The following LRMDA variants were observed in gnomAD, a reference collection of about 807,000 sequenced individuals.
LRMDA encodes leucine rich melanocyte differentiation associated.
A neutral mutation model predicts 29.8 loss-of-function variants in LRMDA; 18 were observed. The ratio of observed to expected loss-of-function variants is 0.60; its 90% CI spans 0.42 to 0.90. The LOEUF (loss-of-function observed/expected upper bound fraction) is 0.90, where lower values mean the gene tolerates loss of function less well. Among genes scored for constraint, LRMDA ranks in the 40% least tolerant of loss-of-function variants. The pLI, the probability that LRMDA is intolerant of heterozygous loss-of-function variation, is 0.00. For missense variants in LRMDA, 273 were observed against 273.9 expected (o/e 1.00, Z 0.02); for synonymous variants, 125 against 109.4 (o/e 1.14, Z -0.89).
intron 2 of LRMDA, among the ~76,000 whole-genome samples, chr10:75,664,038 G>A (rs550101723): frequency 2.1e-4 from 32 of 152,110 alleles, no homozygotes; most frequent in Non-Finnish European, 4.0e-4. Flanking sequence ...TGTGGATATC[G>A]AATAGTCCGT....
At chr10:75,658,515 G>C (rs1335294947) in intron 2 of LRMDA, among the ~76,000 whole-genome samples, 2 of 152,060 alleles carry the variant, frequency 1.3e-5, no homozygotes, top group Non-Finnish European at 2.9e-5. Context: ...CCAAGTTCTG[G>C]AGCGGGGTGG....
At chr10:75,727,918 C>T (rs76560592) in intron 2 of LRMDA, among the ~76,000 whole-genome samples, 25 of 152,262 alleles carry the variant, frequency 1.6e-4, no homozygotes, top group African/African-American at 6.0e-4. Flanking sequence ...AATCATCTGA[C>T]TCAAATTTGC....
rs1351349492 is a variant in LRMDA at position 76,142,701 on chromosome 10, AT to A, written c.516+83920del. 1.1e-4 allele frequency among the ~76,000 whole-genome samples: 16 copies of A among 148,614 alleles called. 1 individual carries two copies. The highest frequency in any genetic ancestry group is 3.9e-4 in the East Asian group (2 of 5,162). ...TATTATCTTTATTATTATTATTATT[AT>A]TATTATACTTTAAGTTTTAGGGTAC... is the stretch of plus-strand genomic sequence containing the variant. On this transcript the variant is annotated intron_variant, in intron 5 of 6. Transcript: ENST00000611255.
In LRMDA at chr10:75,674,094, A is replaced by G. The variant is rs191755864; in HGVS notation, c.131+235600A>G. Among the ~76,000 whole-genome samples the G allele has an allele frequency of 1.4e-3, 211 of 152,342 alleles. 4 individuals carry two copies. Among genetic ancestry groups the G allele is most frequent in the Admixed American group, 0.011 (167 of 15,308 alleles). ...TTTGAGAAAATATATGGAATGTTTTAATGCTGGGACTAGTTTTTCCTTGGA... is the reference window on the plus strand; with the variant it reads ...TTTGAGAAAATATATGGAATGTTTTGATGCTGGGACTAGTTTTTCCTTGGA... On this transcript the variant is annotated intron_variant, in intron 2 of 6. Transcript: ENST00000611255.
chr10:76,153,211 G>T (rs756876371), intron 5 of LRMDA, among the ~76,000 whole-genome samples: 2 of 152,064 alleles, frequency 1.3e-5, no homozygotes, highest in Non-Finnish European at 2.9e-5. Flanking sequence ...ATATATTCTG[G>T]ATACTAAACC....
At chr10:76,212,192 A>G (rs904843813) in intron 5 of LRMDA, among the ~76,000 whole-genome samples, 2 of 151,660 alleles carry the variant, frequency 1.3e-5, no homozygotes, top group Non-Finnish European at 2.9e-5. Context: ...TAGGATACAG[A>G]TTTTGCACTA....
chr10:75,689,915 A>G (rs1453351794), intron 2 of LRMDA, among the ~76,000 whole-genome samples: 1 of 152,004 alleles, frequency 6.6e-6, no homozygotes, highest in Admixed American at 6.6e-5. Flanking sequence ...AGAGCCACAG[A>G]ATCTTCACAT....
intron 2 of LRMDA, among the ~76,000 whole-genome samples, chr10:75,949,797 G>A (rs540622472): frequency 6.6e-6 from 1 of 152,228 alleles, no homozygotes; most frequent in African/African-American, 2.4e-5. Context: ...CTATCTGCAG[G>A]TACTGTGTAC....
At chr10:76,509,968 T>A (rs1231461809) in intron 6 of LRMDA, among the ~76,000 whole-genome samples, 1 of 152,204 alleles carries the variant, frequency 6.6e-6, no homozygotes, top group Non-Finnish European at 1.5e-5. Context: ...ACTAGTATGC[T>A]CCAACCAGGC....
At chr10:75,710,412 G>A (rs1842422085) in intron 2 of LRMDA, among the ~76,000 whole-genome samples, 1 of 152,158 alleles carries the variant, frequency 6.6e-6, no homozygotes, top group Admixed American at 6.5e-5. Flanking sequence ...CCAGTACTAG[G>A]CGTGATGCTT....
intron 6 of LRMDA, among the ~76,000 whole-genome samples, chr10:76,417,945 T>A (rs1424540701): frequency 6.6e-6 from 1 of 152,204 alleles, no homozygotes; most frequent in African/African-American, 2.4e-5. Flanking sequence ...TTTTCATAAA[T>A]CAATTGTCTT....
At chr10:76,074,839 G>A (rs1036118145) in intron 5 of LRMDA, among the ~76,000 whole-genome samples, 1 of 152,128 alleles carries the variant, frequency 6.6e-6, no homozygotes, top group African/African-American at 2.4e-5. Context: ...ACTAACTGCT[G>A]TAACAAACAG....
At chr10:75,799,888 T>G (rs1564570998) in intron 2 of LRMDA, among the ~76,000 whole-genome samples, 1 of 152,182 alleles carries the variant, frequency 6.6e-6, no homozygotes. Flanking sequence ...AATACTGTTT[T>G]TGCCTTATTA....
chr10:76,106,500 C>T (rs968272628), intron 5 of LRMDA, among the ~76,000 whole-genome samples: 19 of 152,188 alleles, frequency 1.2e-4, no homozygotes, highest in African/African-American at 4.3e-4. Flanking sequence ...CCATTTTTAT[C>T]CTGAGTCCCT....
intron 2 of LRMDA, among the ~76,000 whole-genome samples, chr10:75,942,089 T>G (rs1394008727): frequency 2.0e-5 from 3 of 152,166 alleles, no homozygotes; most frequent in African/African-American, 7.2e-5. Context: ...GGATGGAGGC[T>G]CTCTGGTCTT....
At chr10:75,860,738 T>C (rs1329077182) in intron 2 of LRMDA, among the ~76,000 whole-genome samples, 1 of 152,202 alleles carries the variant, frequency 6.6e-6, no homozygotes, top group East Asian at 1.9e-4. Context: ...GTCAAAGTGA[T>C]GGTGACAGGG....
chr10:75,474,269 G>A (rs975898404), intron 2 of LRMDA, among the ~76,000 whole-genome samples: 2 of 152,198 alleles, frequency 1.3e-5, no homozygotes, highest in Non-Finnish European at 2.9e-5. Flanking sequence ...CCTTGTTTGT[G>A]TATGTGTCTC....
chr10:76,148,838 GTTA>G (rs58280545), intron 5 of LRMDA, among the ~76,000 whole-genome samples: 1,999 of 152,070 alleles, frequency 0.013, 39 homozygotes, highest in African/African-American at 0.046. Flanking sequence ...TGGCTCCTCC[GTTA>G]TTATCTTTAC....
Position 75,433,618 on chromosome 10 carries a change from GTA to G in LRMDA, c.30+1865_30+1866del, listed in dbSNP as rs562146708. Among the ~76,000 whole-genome samples the G allele has an allele frequency of 2.4e-4, 36 of 152,216 alleles. No homozygotes were observed. The East Asian group carries it at 6.8e-3, about 29-fold the overall frequency. ...TTTCTAATGGCGGCCGCTTTAAGAG[GTA>G]GCACCTTGGATGTGGGTAGCATGGA... On this transcript the variant is annotated intron_variant, in intron 1 of 6. Transcript: ENST00000611255.
Sources: gnomAD v4.1 joint callset for allele counts (sites outside exome capture counted in the v4.1 genomes callset) on GRCh38, gnomAD v4.1.1 for gene constraint, MANE v1.5 for transcripts, NCBI Gene and HGNC (gene_info 2026-07-23, HGNC 2026-07-21) for gene names.